RUNX1: variants seen among roughly 807,000 people sequenced by gnomAD.
RUNX1 encodes runt-related transcription factor 1.
RUNX1 carries 19 observed loss-of-function variants against 42.8 expected under a neutral mutation model. The observed-to-expected ratio is 0.44, with a 90% CI of 0.31 to 0.65. The LOEUF is 0.65. Ranked by LOEUF, RUNX1 falls within the 30% of genes least tolerant of loss-of-function variation. The pLI, the probability that RUNX1 is intolerant of heterozygous loss-of-function variation, is 0.07. For missense variants in RUNX1, 528 were observed against 672.0 expected (o/e 0.79, Z 2.37); for synonymous variants, 271 against 289.4 (o/e 0.94, Z 0.64).
intron 7 of RUNX1, among the ~76,000 whole-genome samples, chr21:34,820,211 G>C (rs2056887519): frequency 6.6e-6 from 1 of 152,204 alleles, no homozygotes; most frequent in Non-Finnish European, 1.5e-5. Flanking sequence ...GGTGGGCATG[G>C]CTTTGAGGAG....
Position 34,792,311 on chromosome 21 carries a change from G to GCCCCCCC in RUNX1, c.1266_1267insGGGGGGG (p.Arg423GlyfsTer179). ...GGCGGCAGGATGCGCGGCGGCGAGC[G>GCCCCCCC]CTCGCCGCCCACCATGGAGAACTGG... On this transcript the variant is annotated frameshift_variant, in exon 9 of 9. Transcript: ENST00000675419. LOFTEE classifies it high-confidence loss of function. The surrounding 1 kb of genome is among the most constrained non-coding windows in gnomAD (Gnocchi z 6.9). 6.5e-7 allele frequency: 1 copy of GCCCCCCC among 1,539,268 alleles called. No homozygotes were observed. Among genetic ancestry groups the GCCCCCCC allele is most frequent in the Non-Finnish European group, 8.7e-7 (1 of 1,143,636 alleles).
At position 34,859,488 on chromosome 21, in the gene RUNX1, G is replaced by A; in HGVS notation, c.599C>T (p.Pro200Leu). The A allele has an allele frequency of 6.2e-7, 1 of 1,613,326 alleles. No individual in the cohort carries two copies. The highest frequency in any genetic ancestry group is 8.5e-7 in the Non-Finnish European group (1 of 1,179,286). Residue 200 changes from proline to leucine, a missense_variant, in exon 6 of 9, where the codon CCC becomes CTC. Pro to Leu is a moderately conservative substitution (Grantham distance 98, BLOSUM62 -3). Around this residue, in one of 3 missense-constraint regions of RUNX1, gnomAD observed 83 missense variants for 174.5 expected, o/e 0.48. Transcript: ENST00000675419. Reference sequence around the variant, plus strand: ...GATGCACTTACTTCGAGGTTCTCGGGGCCCATCCACTGTGATTTTGATGGC... The same window carrying A: ...GATGCACTTACTTCGAGGTTCTCGGAGCCCATCCACTGTGATTTTGATGGC... ...HRAIKITVDG[P>L]REPRRHRQKL...
chr21:35,022,633 G>A (rs1244661218), intron 2 of RUNX1, among the ~76,000 whole-genome samples: 1 of 152,114 alleles, frequency 6.6e-6, no homozygotes, highest in African/African-American at 2.4e-5. Context: ...TGTAGCTCAG[G>A]CCTGTAATCC....
chr21:34,810,123 T>C (rs879315066), intron 7 of RUNX1, among the ~76,000 whole-genome samples: 3 of 152,216 alleles, frequency 2.0e-5, no homozygotes, highest in Admixed American at 6.5e-5. Context: ...AGCCTTCCTC[T>C]CTACACAAAC....
intron 6 of RUNX1, among the ~76,000 whole-genome samples, chr21:34,847,825 T>G (rs1322645161): frequency 6.6e-6 from 1 of 152,170 alleles, no homozygotes; most frequent in Admixed American, 6.5e-5. Flanking sequence ...GCCAGTTCAG[T>G]GATGCAGTAA....
chr21:34,834,632 G>T, intron 6 of RUNX1, 31 bp from the exon 7 acceptor site: 3 of 1,513,146 alleles, frequency 2.0e-6, no homozygotes, highest in South Asian at 1.1e-5. Flanking sequence ...GGGAGGGGAT[G>T]GGGGGAGGGA....
Position 34,887,068 on chromosome 21 carries a change from C to G in RUNX1, c.126G>C (p.Pro42=). 1 of 1,599,104 alleles carries G rather than the reference C, an allele frequency of 6.3e-7. No individual in the cohort carries two copies. The highest frequency in any genetic ancestry group is 1.1e-5 in the South Asian group (1 of 91,066). Reference sequence around the variant, plus strand: ...TGCCTGGGCTCAGCGCGGTGGAAGGCGGCGTGAAGCGGCGGCTCGTGCTGG... The same window carrying G: ...TGCCTGGGCTCAGCGCGGTGGAAGGGGGCGTGAAGCGGCGGCTCGTGCTGG... ...HDASTSRRFT[P]PSTALSPGKM... The change falls in exon 4 of 9, where the codon CCG becomes CCC. Residue 42 remains proline, a synonymous_variant. Coordinates refer to ENST00000675419, the MANE Select transcript of RUNX1 (RefSeq NM_001754.5).
intron 4 of RUNX1, among the ~76,000 whole-genome samples, chr21:34,882,959 G>T (rs953006016): frequency 6.6e-6 from 1 of 152,150 alleles, no homozygotes; most frequent in African/African-American, 2.4e-5. Context: ...ATAACTCATT[G>T]TTGGGTCTGG....
rs924063895 is a variant in RUNX1 at position 34,981,342 on chromosome 21, T to C, written c.58+67500A>G. ...GTTATTGTTTAGGATAAGTGAGGCA[T>C]GGCAATACTCTTCTGAATTTCGGTG... is the stretch of plus-strand genomic sequence containing the variant. On this transcript the variant is annotated intron_variant, in intron 2 of 8. Coordinates refer to ENST00000675419, the MANE Select transcript of RUNX1 (RefSeq NM_001754.5). Among the ~76,000 whole-genome samples, 5 of 152,360 alleles carry C rather than the reference T, an allele frequency of 3.3e-5. 1 individual carries two copies. The South Asian group carries it at 1.0e-3, about 32-fold the overall frequency.
At chr21:34,917,875 A>T (rs1156942943) in intron 2 of RUNX1, among the ~76,000 whole-genome samples, 1 of 152,078 alleles carries the variant, frequency 6.6e-6, no homozygotes, top group African/African-American at 2.4e-5. Context: ...TCATGCCTAT[A>T]ATCCCAGCAC....
At chr21:34,970,984 C>G (rs144883824) in intron 2 of RUNX1, among the ~76,000 whole-genome samples, 1 of 152,136 alleles carries the variant, frequency 6.6e-6, no homozygotes, top group Admixed American at 6.5e-5. Context: ...TTATATCTAT[C>G]GCCCATTTGA....
intron 2 of RUNX1, among the ~76,000 whole-genome samples, chr21:34,978,937 T>TACACAC (rs10673190): frequency 0.073 from 9,737 of 134,010 alleles, 447 homozygotes; most frequent in South Asian, 0.093. Flanking sequence ...CACACACAGA[T>TACACAC]ACACACACAC....
chr21:35,001,514 C>CAT (rs1275712591), intron 2 of RUNX1, among the ~76,000 whole-genome samples: 1 of 151,972 alleles, frequency 6.6e-6, no homozygotes, highest in Non-Finnish European at 1.5e-5. Context: ...CGATAAAGCT[C>CAT]ATATATAGAA....
At chr21:34,969,854 A>T (rs2058749323) in intron 2 of RUNX1, among the ~76,000 whole-genome samples, 1 of 152,184 alleles carries the variant, frequency 6.6e-6, no homozygotes, top group Admixed American at 6.5e-5. Context: ...AAGACAAAAG[A>T]CTGGTGTCAC....
intron 2 of RUNX1, among the ~76,000 whole-genome samples, chr21:35,031,467 T>C (rs2059272617): frequency 6.6e-6 from 1 of 152,084 alleles, no homozygotes. Context: ...CCCCCAAAAT[T>C]AAAAATAGAC....
At chr21:34,940,028 A>G (rs1230158950) in intron 2 of RUNX1, among the ~76,000 whole-genome samples, 1 of 152,190 alleles carries the variant, frequency 6.6e-6, no homozygotes, top group Non-Finnish European at 1.5e-5. Flanking sequence ...TTTCAGCCTC[A>G]TAACTTTTCT....
At chr21:34,829,388 A>G (rs2057032744) in intron 7 of RUNX1, among the ~76,000 whole-genome samples, 1 of 152,204 alleles carries the variant, frequency 6.6e-6, no homozygotes, top group Non-Finnish European at 1.5e-5. Flanking sequence ...CATCACTAAG[A>G]TCAAGCCCTG....
In RUNX1 at chr21:34,901,583, G is replaced by T. The variant is rs1206569564; in HGVS notation, c.59-8620C>A. The stretch of plus-strand genomic sequence containing the variant: ...TTAGTCTTACGGGTTGAAGACAGAG[G>T]TTAAGGGGCCAACGTGTGGACCCTG... On this transcript the variant is annotated intron_variant, in intron 2 of 8. Transcript: ENST00000675419. This position sits in a 1 kb window ranked among gnomAD's most constrained non-coding sequence, Gnocchi z 4.3. Among the ~76,000 whole-genome samples the T allele has an allele frequency of 6.6e-6, 1 of 152,130 alleles. No individual in the cohort carries two copies. The highest frequency in any genetic ancestry group is 1.5e-5 in the Non-Finnish European group (1 of 68,022).
intron 7 of RUNX1, among the ~76,000 whole-genome samples, chr21:34,808,333 C>T (rs533389890): frequency 1.3e-5 from 2 of 152,314 alleles, no homozygotes; most frequent in South Asian, 4.1e-4. Flanking sequence ...GGGATCCCAT[C>T]CTCACTGCCG....
Sources: allele counts gnomAD v4.1 joint callset (sites outside exome capture counted in the v4.1 genomes callset), GRCh38; gene constraint gnomAD v4.1.1; regional missense constraint gnomAD v4.1.1; non-coding constraint Gnocchi (gnomAD v3.1); transcripts MANE v1.5; gene names NCBI Gene and HGNC (gene_info 2026-07-23, HGNC 2026-07-21).